Variants in TENM1 observed in about 807,000 individuals in gnomAD.
TENM1 encodes teneurin-1.
TENM1 carries 35 observed loss-of-function variants against 174.8 expected under a neutral mutation model. That is an observed-to-expected ratio of 0.20 (90% CI 0.15 to 0.27). TENM1 has a LOEUF of 0.27. Ranked by LOEUF, TENM1 falls within the 10% of genes least tolerant of loss-of-function variation. TENM1 has a pLI of 1.00. For synonymous variants in TENM1, 781 were observed against 798.7 expected (o/e 0.98, Z 0.37); for missense variants, 1,633 against 2,130.1 (o/e 0.77, Z 4.59).
At position 124,471,458 on chromosome X, in the gene TENM1, TACTATATATAA is replaced by T. The variant is rs1161032423; in HGVS notation, c.3949+10263_3949+10273del. ...ATATAATATATAGTACTATATATAA[TACTATATATAA>T]TATATAATATATAATATATAGTATT... On this transcript the variant is annotated intron_variant, in intron 22 of 31. Coordinates refer to ENST00000422452, the Ensembl canonical transcript of TENM1. 7.2e-4 allele frequency among the ~76,000 whole-genome samples: 13 copies of T among 17,933 alleles called. 2 individuals are homozygous for T. Among genetic ancestry groups the T allele is most frequent in the African/African-American group, 1.4e-3 (4 of 2,848 alleles). 15.6% of individuals were successfully genotyped at this position (17,933 alleles called of 115,157 possible).
chrX:125,122,097 G>A, the TENM1 span, among the ~76,000 whole-genome samples: 2 of 111,660 alleles, frequency 1.8e-5, no homozygotes, highest in Non-Finnish European at 3.8e-5. Context: ...GGGTAAAGTA[G>A]AAAGTGAAAG....
chrX:125,001,973 A>ACAC, the TENM1 span, among the ~76,000 whole-genome samples: 2 of 97,844 alleles, frequency 2.0e-5, no homozygotes, highest in African/African-American at 7.6e-5. Flanking sequence ...ACACACACAC[A>ACAC]AGATCAAGTC....
chrX:124,880,541 C>G (rs1172480047), intron 3 of TENM1, among the ~76,000 whole-genome samples: 1 of 111,779 alleles, frequency 8.9e-6, no homozygotes, highest in Non-Finnish European at 1.9e-5. Context: ...ATTGTTCTGG[C>G]TAGGACTTCC....
At chrX:124,772,429 C>T (rs1027705710) in intron 3 of TENM1, among the ~76,000 whole-genome samples, 6 of 112,132 alleles carry the variant, frequency 5.4e-5, no homozygotes, top group African/African-American at 1.9e-4. Flanking sequence ...GCCACCGTTC[C>T]CTGTCCCCCT....
chrX:125,010,231 C>A, the TENM1 span, among the ~76,000 whole-genome samples: 1 of 110,530 alleles, frequency 9.0e-6, no homozygotes, highest in Non-Finnish European at 1.9e-5. Context: ...TATACACCAA[C>A]AATAGACAAG....
intron 18 of TENM1, among the ~76,000 whole-genome samples, chrX:124,507,942 A>G (rs1462258689): frequency 8.9e-6 from 1 of 112,475 alleles, no homozygotes; most frequent in African/African-American, 3.2e-5. Flanking sequence ...AACATCTAAA[A>G]ATAATTTCAT....
chrX:124,951,126 G>T (rs1022796911), intron 1 of TENM1, among the ~76,000 whole-genome samples: 9 of 111,432 alleles, frequency 8.1e-5, no homozygotes, highest in South Asian at 7.5e-4. Context: ...TATACATTTT[G>T]AATCATCTTA....
intron 25 of TENM1, among the ~76,000 whole-genome samples, 167 bp downstream of exon 28, chrX:124,420,144 A>G (rs2060634695): frequency 9.0e-6 from 1 of 111,177 alleles, no homozygotes; most frequent in Admixed American, 9.6e-5. Flanking sequence ...ATGGGTCTGA[A>G]CTCTAGGAAT....
chrX:124,855,282 C>T (rs1047737270), intron 3 of TENM1, among the ~76,000 whole-genome samples: 12 of 111,520 alleles, frequency 1.1e-4, no homozygotes, highest in Non-Finnish European at 1.1e-4. Context: ...GTATATTCTA[C>T]ACTTTTATTT....
intron 3 of TENM1, among the ~76,000 whole-genome samples, chrX:124,781,717 C>T (rs750525444): frequency 9.0e-6 from 1 of 111,467 alleles, no homozygotes; most frequent in South Asian, 3.8e-4. Context: ...ATGCAAGTGG[C>T]TCCTTAAGCA....
intron 4 of TENM1, among the ~76,000 whole-genome samples, chrX:124,718,179 T>C (rs748234716): frequency 8.9e-5 from 10 of 112,002 alleles, no homozygotes; most frequent in Non-Finnish European, 1.5e-4. Context: ...AGTGCAGGTC[T>C]AAAGTAAGGC....
intron 5 of TENM1, chrX:124,688,891 C>T (rs182324006): frequency 9.0e-6 from 1 of 111,537 alleles, no homozygotes; most frequent in Non-Finnish European, 1.9e-5. Flanking sequence ...ATCTTAAATG[C>T]TCTCATCACC....
At position 124,920,006 on chromosome X, in the gene TENM1, C is replaced by T. The variant is rs375241692; in HGVS notation, c.218-23765G>A. On this transcript the variant is annotated intron_variant, in intron 1 of 31. Coordinates refer to ENST00000422452, the Ensembl canonical transcript of TENM1. ...GTCATAGAATGAAGGTTCAAAAATG[C>T]TTCCTCGATGTCACACTGGGGTAGA... 2.0e-4 allele frequency among the ~76,000 whole-genome samples: 22 copies of T among 110,997 alleles called. No individual in the cohort carries two copies. The East Asian group carries it at 2.3e-3, about 11-fold the overall frequency.
intron 11 of TENM1, among the ~76,000 whole-genome samples, chrX:124,596,285 C>T (rs1448287043): frequency 2.7e-5 from 3 of 112,162 alleles, no homozygotes; most frequent in Non-Finnish European, 3.8e-5. Context: ...ATGTTTGACT[C>T]TTAGATATCT....
Position 124,384,078 on chromosome X carries a change from T to C in TENM1, c.6853A>G (p.Ile2285Val), listed in dbSNP as rs781452759. The stretch of plus-strand genomic sequence containing the variant: ...TGGTTGTACAAATGAGTAACTCTTA[T>C]GGGGTTGGTAAGGTCTGCATAAAAG... The change falls in exon 30 of 32, where the codon ATA (isoleucine) becomes GTA (valine). Residue 2285 changes from isoleucine to valine, a missense_variant. Physicochemically the swap from Ile to Val is conservative, Grantham distance 29. This residue lies in a region of TENM1 where 807 missense variants were observed against 1,125.3 expected (regional missense o/e 0.72). Coordinates refer to ENST00000422452, the Ensembl canonical transcript of TENM1. 6.6e-6 allele frequency: 8 copies of C among 1,211,618 alleles called. No homozygotes were observed. The South Asian group carries it at 7.0e-5, about 11-fold the overall frequency.
chrX:125,110,220 A>ACTTT, the TENM1 span, among the ~76,000 whole-genome samples: 4 of 111,398 alleles, frequency 3.6e-5, no homozygotes, highest in African/African-American at 1.3e-4. Context: ...GTGGTTAAAT[A>ACTTT]ACTTGCCAAA....
chrX:124,955,705 T>C (rs767693352), intron 1 of TENM1, among the ~76,000 whole-genome samples: 1 of 110,722 alleles, frequency 9.0e-6, no homozygotes, highest in East Asian at 2.8e-4. Flanking sequence ...AGGGATTACA[T>C]TGAATCTATT....
chrX:124,552,458 G>A (rs778557590), intron 14 of TENM1, among the ~76,000 whole-genome samples: 1 of 86,034 alleles, frequency 1.2e-5, no homozygotes, highest in Non-Finnish European at 2.3e-5. Flanking sequence ...TTAGAAAAAA[G>A]AAAGTGAGAG....
At position 124,576,432 on chromosome X, in the gene TENM1, A is replaced by C. The variant is rs140730442; in HGVS notation, c.2078-10872T>G. 2.1e-3 allele frequency among the ~76,000 whole-genome samples: 209 copies of C among 97,737 alleles called. 7 individuals are homozygous for C. The East Asian group carries it at 0.063, about 29-fold the overall frequency. 84.9% of individuals were successfully genotyped at this position (97,737 alleles called of 115,157 possible). On this transcript the variant is annotated intron_variant, in intron 11 of 31. Transcript: ENST00000422452. ...CCATGGGATTGCTCAGCCATGGCAGAGTTTGTTTTTGGTTTATCTACAGCT... is the reference window on the plus strand; with the variant it reads ...CCATGGGATTGCTCAGCCATGGCAGCGTTTGTTTTTGGTTTATCTACAGCT...
Sources: gnomAD v4.1 joint callset for allele counts (sites outside exome capture counted in the v4.1 genomes callset) on GRCh38, gnomAD v4.1.1 for gene constraint, gnomAD v4.1.1 regional missense constraint, MANE v1.5 for transcripts, NCBI Gene and HGNC (gene_info 2026-07-23, HGNC 2026-07-21) for gene names.